KIF6: variants seen among roughly 807,000 people sequenced by gnomAD.
KIF6 encodes the protein kinesin family member 6, also known as kinesin-like protein KIF6.
KIF6 carries 106 observed loss-of-function variants against 112.7 expected under a neutral mutation model. That is an observed-to-expected ratio of 0.94 (90% CI 0.80 to 1.11). KIF6 has a LOEUF of 1.11. Among genes scored for constraint, KIF6 ranks in the 50% least tolerant of loss-of-function variants. The pLI is 0.00. For missense variants in KIF6, 929 were observed against 964.0 expected, an observed-to-expected ratio of 0.96 and a Z score of 0.48; for synonymous variants, 339 against 339.9, an observed-to-expected ratio of 1.00 and a Z score of 0.03.
chr6:39,670,136 AG>A (rs1254036494), intron 3 of KIF6, among the ~76,000 whole-genome samples: 2 of 152,160 alleles, frequency 1.3e-5, no homozygotes, highest in African/African-American at 4.8e-5. Flanking sequence ...TGGGCGCGGG[AG>A]AAGGAACAGA....
At chr6:39,362,393 G>A in intron 17 of KIF6, 41 bp downstream of exon 17, 2 of 1,487,344 alleles carry the variant, frequency 1.3e-6, no homozygotes, top group South Asian at 1.1e-5. Flanking sequence ...GAGACCCTGG[G>A]AGGCTGGGCT....
At position 39,343,235 on chromosome 6, in the gene KIF6, T is replaced by C; in HGVS notation, c.2428+474A>G. The C allele has an allele frequency of 8.0e-7, 1 of 1,252,526 alleles. No individual in the cohort carries two copies. The highest frequency in any genetic ancestry group is 1.4e-5 in the South Asian group (1 of 73,030). 77.6% of individuals were successfully genotyped at this position (1,252,526 alleles called of 1,614,324 possible). On this transcript the variant is annotated intron_variant, in intron 22 of 22. Coordinates refer to ENST00000287152, the MANE Select transcript of KIF6 (RefSeq NM_145027.6). This position sits in a 1 kb window ranked among gnomAD's most constrained non-coding sequence, Gnocchi z 4.1. ...GCCACTCTTACTTCCTCTGTGATTGTTATGGTGTCCTCGGGCCTGGGCCTT... is the reference window on the plus strand; with the variant it reads ...GCCACTCTTACTTCCTCTGTGATTGCTATGGTGTCCTCGGGCCTGGGCCTT...
chr6:39,525,933 G>A (rs1019822611), intron 13 of KIF6, among the ~76,000 whole-genome samples: 4 of 152,092 alleles, frequency 2.6e-5, no homozygotes, highest in African/African-American at 9.7e-5. Context: ...GGAAATGTTG[G>A]TCGGGATTCT....
intron 6 of KIF6, among the ~76,000 whole-genome samples, chr6:39,611,948 G>A (rs933102131): frequency 1.3e-5 from 2 of 152,038 alleles, no homozygotes; most frequent in East Asian, 1.9e-4. Flanking sequence ...TTAAAACTAC[G>A]TGAATGTTGT....
At position 39,419,984 on chromosome 6, in the gene KIF6, G is replaced by C. The variant is rs747891821; in HGVS notation, c.1774C>G (p.Leu592Val). 1 of 1,613,268 alleles carries C rather than the reference G, an allele frequency of 6.2e-7. No individual in the cohort carries two copies. The highest frequency in any genetic ancestry group is 1.1e-5 in the South Asian group (1 of 91,044). Reference sequence around the variant, plus strand: ...CTTGCTTCATTTATACTTTCTCCCAGGGCCTTGGCTTCAGAAAATCTGGAG... The same window carrying C: ...CTTGCTTCATTTATACTTTCTCCCACGGCCTTGGCTTCAGAAAATCTGGAG... Reference protein sequence around the residue: ...LKQRFSEAKALGESINEARSK... With the variant: ...LKQRFSEAKAVGESINEARSK... Residue 592 changes from leucine to valine, a missense_variant, in exon 15 of 23, where the codon CTG (leucine) becomes GTG (valine). Physicochemically the swap from Leu to Val is conservative, Grantham distance 32 (BLOSUM62 1). Around this residue, in one of 2 missense-constraint regions of KIF6, gnomAD observed 241 missense variants for 301.4 expected, o/e 0.80. Coordinates refer to ENST00000287152, the MANE Select transcript of KIF6 (RefSeq NM_145027.6).
chr6:39,525,001 T>C (rs1278602656), intron 13 of KIF6, among the ~76,000 whole-genome samples: 1 of 152,226 alleles, frequency 6.6e-6, no homozygotes, highest in Non-Finnish European at 1.5e-5. Flanking sequence ...TCTTTTATCC[T>C]GGAGCCAAAA....
At chr6:39,705,728 T>C (rs1789168438) in intron 3 of KIF6, among the ~76,000 whole-genome samples, 1 of 152,172 alleles carries the variant, frequency 6.6e-6, no homozygotes, top group African/African-American at 2.4e-5. Flanking sequence ...CCTGGCTTCT[T>C]TGCCCCTTGG....
intron 16 of KIF6, among the ~76,000 whole-genome samples, chr6:39,369,323 T>C (rs1765795484): frequency 6.6e-6 from 1 of 152,160 alleles, no homozygotes; most frequent in Non-Finnish European, 1.5e-5. Context: ...GTGTGCTGAA[T>C]GACCCTGCGG....
chr6:39,623,223 A>G (rs1306237282), intron 5 of KIF6, among the ~76,000 whole-genome samples: 1 of 152,180 alleles, frequency 6.6e-6, no homozygotes, highest in African/African-American at 2.4e-5. Context: ...TTGAATAGAT[A>G]GTGTCATTAA....
At chr6:39,526,570 T>C (rs754918973) in intron 13 of KIF6, among the ~76,000 whole-genome samples, 5 of 152,208 alleles carry the variant, frequency 3.3e-5, no homozygotes, top group Non-Finnish European at 7.3e-5. Flanking sequence ...TCCGTGTACT[T>C]ACTCACTCTC....
chr6:39,386,137 T>C (rs907800383), intron 15 of KIF6, among the ~76,000 whole-genome samples: 8 of 152,196 alleles, frequency 5.3e-5, no homozygotes, highest in Non-Finnish European at 8.8e-5. Flanking sequence ...TAGTTGGTCA[T>C]TTGGTGTGAA....
At chr6:39,514,489 A>G (rs1355929239) in intron 13 of KIF6, among the ~76,000 whole-genome samples, 3 of 152,256 alleles carry the variant, frequency 2.0e-5, no homozygotes, top group Non-Finnish European at 4.4e-5. Context: ...TTGGAAAATA[A>G]TGCAAATGAG....
Position 39,332,924 on chromosome 6 carries a change from C to T in KIF6, c.*3608G>A, listed in dbSNP as rs1762794226. On this transcript the variant is annotated 3_prime_UTR_variant, in exon 23 of 23. Transcript: ENST00000287152. ...GGAAACCACTGGGCTCTACCTGGTTCCCCCTTCCTGGGCTGCAGCCTGAAA... is the reference window on the plus strand; with the variant it reads ...GGAAACCACTGGGCTCTACCTGGTTTCCCCTTCCTGGGCTGCAGCCTGAAA... 1 of 152,238 alleles carries T rather than the reference C, an allele frequency of 6.6e-6. No individual in the cohort carries two copies. Among genetic ancestry groups the T allele is most frequent in the Admixed American group, 6.5e-5 (1 of 15,292 alleles). 9.4% of individuals were successfully genotyped at this position (152,238 alleles called of 1,614,324 possible).
chr6:39,337,172 C>CTTTCTTTCTTTCTTTCTTTCT (rs1554195075), intron 22 of KIF6, among the ~76,000 whole-genome samples: 53 of 59,510 alleles, frequency 8.9e-4, no homozygotes, highest in East Asian at 2.5e-3. Flanking sequence ...TCTTTCCTTC[C>CTTTCTTTCTTTCTTTCTTTCT]TTCTTTCTTT....
intron 4 of KIF6, among the ~76,000 whole-genome samples, chr6:39,637,626 T>C (rs1199859656): frequency 6.6e-6 from 1 of 151,940 alleles, no homozygotes; most frequent in Non-Finnish European, 1.5e-5. Flanking sequence ...CTTTAAGAAT[T>C]CTAGAGAGCT....
chr6:39,568,379 C>T lies in KIF6; in HGVS notation c.1181+9677G>A, dbSNP rs538172823. 2.9e-3 allele frequency among the ~76,000 whole-genome samples: 440 copies of T among 152,166 alleles called. 3 individuals carry two copies. Among genetic ancestry groups the T allele is most frequent in the South Asian group, 8.7e-3 (42 of 4,814 alleles). ...GAATGAAAGAGATGCTTGCAGGGAA[C>T]GGGGTCTTAGCAGTTGCCACAGGCT... On this transcript the variant is annotated intron_variant, in intron 10 of 22. Transcript: ENST00000287152.
intron 6 of KIF6, among the ~76,000 whole-genome samples, chr6:39,605,112 A>C (rs572189738): frequency 3.3e-5 from 5 of 152,264 alleles, no homozygotes; most frequent in Non-Finnish European, 7.4e-5. Flanking sequence ...TGAGCTAGAT[A>C]GCATCATATC....
chr6:39,634,800 G>T, intron 5 of KIF6, 49 bp downstream of exon 5: 1 of 1,055,144 alleles, frequency 9.5e-7, no homozygotes, highest in Non-Finnish European at 1.5e-6. Context: ...CAATTGAAGA[G>T]AACATCTGAA....
chr6:39,442,262 T>G (rs1771962605), intron 13 of KIF6, among the ~76,000 whole-genome samples: 2 of 152,212 alleles, frequency 1.3e-5, no homozygotes, highest in Non-Finnish European at 2.9e-5. Flanking sequence ...AAGGGCTGGC[T>G]TGCCAAAGGA....
Sources: allele counts gnomAD v4.1 joint callset (sites outside exome capture counted in the v4.1 genomes callset), GRCh38; gene constraint gnomAD v4.1.1; regional missense constraint gnomAD v4.1.1; non-coding constraint Gnocchi (gnomAD v3.1); transcripts MANE v1.5; gene names NCBI Gene and HGNC (gene_info 2026-07-23, HGNC 2026-07-21).